TSGA10: variants seen among roughly 807,000 people sequenced by gnomAD.
The protein encoded by TSGA10 is testis specific 10.
Under a neutral mutation model 96.6 loss-of-function variants are expected in TSGA10, and 43 were observed. That is an observed-to-expected ratio of 0.44 (90% confidence interval 0.35 to 0.57). The LOEUF (loss-of-function observed/expected upper bound fraction) is 0.57. TSGA10 is among the 20% of genes least tolerant of loss of function. The pLI, the probability that TSGA10 is intolerant of heterozygous loss-of-function variation, is 0.01. For synonymous variants in TSGA10, 229 were observed against 269.9 expected (o/e 0.85, Z 1.48); for missense variants, 703 against 834.4 (o/e 0.84, Z 1.94).
intron 12 of TSGA10, among the ~76,000 whole-genome samples, chr2:99,073,985 G>C (rs1202693446): frequency 2.9e-5 from 2 of 69,862 alleles, no homozygotes; most frequent in South Asian, 4.3e-4. Flanking sequence ...AACCAATTCT[G>C]TTCCTGTTTC....
chr2:99,147,546 C>A, intron 1 of TSGA10: 2 of 1,496,982 alleles, frequency 1.3e-6, no homozygotes, highest in Non-Finnish European at 1.8e-6. Context: ...CTCCTCAGTC[C>A]TTTTATTAGA....
intron 20 of TSGA10, among the ~76,000 whole-genome samples, chr2:99,012,994 T>C (rs371536818): frequency 2.0e-5 from 3 of 152,308 alleles, no homozygotes; most frequent in South Asian, 2.1e-4. Flanking sequence ...TTTTAACTTA[T>C]CTTTTGTAAT....
At chr2:99,063,928 A>G (rs968090079) in intron 16 of TSGA10, among the ~76,000 whole-genome samples, 2 of 152,184 alleles carry the variant, frequency 1.3e-5, no homozygotes, top group African/African-American at 4.8e-5. Flanking sequence ...AATGGCAAAG[A>G]AACATGAAAA....
At chr2:99,060,082 G>A (rs61570409) in intron 16 of TSGA10, among the ~76,000 whole-genome samples, 8,265 of 152,092 alleles carry the variant, frequency 0.054, 417 homozygotes, top group East Asian at 0.21. Context: ...AGAAAAAGGC[G>A]TTCTGAGAAG....
chr2:99,049,602 G>T (rs898191333), intron 16 of TSGA10, among the ~76,000 whole-genome samples: 6 of 151,990 alleles, frequency 3.9e-5, no homozygotes, highest in African/African-American at 9.7e-5. Context: ...CTACGGGAGG[G>T]ATGGCATTAG....
rs778834321 is a variant in TSGA10, at chr2:99,108,823, G to T, written c.210+10C>A. 2.8e-5 allele frequency: 43 copies of T among 1,524,890 alleles called. No homozygotes were observed. The East Asian group carries it at 9.8e-4, about 35-fold the overall frequency. 94.5% of individuals were successfully genotyped at this position (1,524,890 alleles called of 1,614,324 possible). On this transcript the variant is annotated intron_variant, in intron 7 of 20. Transcript: ENST00000393483. ...TTATTACTTATATAATTTGTTTTTT[G>T]TAAGTTTACCTGTTCATAAAGAAGG...
intron 1 of TSGA10, among the ~76,000 whole-genome samples, chr2:99,152,390 G>C (rs1444305565): frequency 2.6e-5 from 4 of 152,206 alleles, no homozygotes; most frequent in South Asian, 2.1e-4. Flanking sequence ...GTTCTTAAGC[G>C]ATCTTCCTGC....
At chr2:99,017,124 T>C (rs1472788310) in intron 20 of TSGA10, among the ~76,000 whole-genome samples, 1 of 152,220 alleles carries the variant, frequency 6.6e-6, no homozygotes, top group Non-Finnish European at 1.5e-5. Context: ...AAAGTATAAC[T>C]ACCATTTGAT....
At chr2:99,036,295 C>A (rs971102942) in intron 16 of TSGA10, among the ~76,000 whole-genome samples, 1 of 152,106 alleles carries the variant, frequency 6.6e-6, no homozygotes, top group African/African-American at 2.4e-5. Flanking sequence ...TCCTTCCTCA[C>A]TCACTCTTTC....
intron 9 of TSGA10, among the ~76,000 whole-genome samples, chr2:99,104,504 T>C (rs2091121558): frequency 6.6e-6 from 1 of 151,922 alleles, no homozygotes; most frequent in African/African-American, 2.4e-5. Flanking sequence ...AGACAGAGTA[T>C]CGCTCCATCG....
chr2:99,154,754 G>A lies in TSGA10; in HGVS notation c.-682C>T. On this transcript the variant is annotated 5_prime_UTR_variant, in exon 1 of 21. Coordinates refer to ENST00000393483, the MANE Select transcript of TSGA10 (RefSeq NM_025244.4). ...CGCGGGGAAGTCCCATCTGAACTGGGGCCTTATGACCTTCGGTACTTTTAT... is the reference window on the plus strand; with the variant it reads ...CGCGGGGAAGTCCCATCTGAACTGGAGCCTTATGACCTTCGGTACTTTTAT... The A allele has an allele frequency of 9.9e-6, 3 of 301,542 alleles. No individual in the cohort carries two copies. The highest frequency in any genetic ancestry group is 7.6e-5 in the South Asian group (3 of 39,454). 18.7% of individuals were successfully genotyped at this position (301,542 alleles called of 1,614,324 possible). A position where few individuals can be genotyped will look rare whatever the true frequency, so the allele number is the denominator to read the frequency against.
intron 17 of TSGA10, among the ~76,000 whole-genome samples, chr2:99,027,860 G>T (rs1319992639): frequency 6.6e-6 from 1 of 152,078 alleles, no homozygotes; most frequent in African/African-American, 2.4e-5. Flanking sequence ...AATTTTTGTT[G>T]TTGAAAACCA....
chr2:99,109,061 A>G, intron 6 of TSGA10, 70 bp from the exon 7 acceptor site: 4 of 1,147,682 alleles, frequency 3.5e-6, no homozygotes, highest in Non-Finnish European at 4.8e-6. Context: ...TACTGATGGT[A>G]GTGCCCAATT....
intron 15 of TSGA10, 66 bp downstream of exon 15, chr2:99,068,822 C>G (rs1279134062): frequency 4.0e-6 from 3 of 757,818 alleles, no homozygotes; most frequent in Non-Finnish European, 5.9e-6. Context: ...TCTGAGTATA[C>G]CAACTTCTAA....
intron 10 of TSGA10, chr2:99,102,717 A>G (rs1338357849): frequency 3.1e-6 from 5 of 1,610,988 alleles, no homozygotes; most frequent in Non-Finnish European, 4.2e-6. Flanking sequence ...GGAGATGGCC[A>G]AAGACTTTGT....
intron 2 of TSGA10, among the ~76,000 whole-genome samples, chr2:99,124,360 T>C (rs1235241291): frequency 6.6e-6 from 1 of 152,204 alleles, no homozygotes; most frequent in Non-Finnish European, 1.5e-5. Flanking sequence ...TTGTATATTC[T>C]AGATATTAAG....
At chr2:99,025,388 T>C (rs962191082) in intron 17 of TSGA10, among the ~76,000 whole-genome samples, 4 of 152,250 alleles carry the variant, frequency 2.6e-5, no homozygotes, top group African/African-American at 9.6e-5. Flanking sequence ...GTTGATTTCA[T>C]CTAAGCATTT....
chr2:99,067,554 T>C (rs2085403813), intron 15 of TSGA10, among the ~76,000 whole-genome samples: 1 of 152,188 alleles, frequency 6.6e-6, no homozygotes, highest in Non-Finnish European at 1.5e-5. Flanking sequence ...AAGCTTACTA[T>C]GTTAAATGTT....
chr2:99,033,660 G>C (rs1229466644), intron 17 of TSGA10, among the ~76,000 whole-genome samples: 5 of 152,126 alleles, frequency 3.3e-5, no homozygotes, highest in Non-Finnish European at 7.4e-5. Context: ...GGCCAACATG[G>C]TGAAATGCTG....
Sources: allele counts gnomAD v4.1 joint callset (sites outside exome capture counted in the v4.1 genomes callset), GRCh38; gene constraint gnomAD v4.1.1; transcripts MANE v1.5; gene names NCBI Gene and HGNC (gene_info 2026-07-23, HGNC 2026-07-21).